Variants in PIK3C2G observed in about 807,000 individuals in gnomAD.
PIK3C2G encodes the protein phosphatidylinositol 3-kinase C2 domain-containing subunit gamma.
A neutral mutation model predicts 181.1 loss-of-function variants in PIK3C2G; 168 were observed. The ratio of observed to expected loss-of-function variants is 0.93; its 90% confidence interval spans 0.82 to 1.05. PIK3C2G has a LOEUF of 1.05. Among genes scored for constraint, PIK3C2G ranks in the 50% least tolerant of loss-of-function variants. PIK3C2G has a pLI of 0.00. For synonymous variants in PIK3C2G, 573 were observed against 592.2 expected (o/e 0.97, Z 0.47); for missense variants, 1,869 against 1,732.8 (o/e 1.08, Z -1.40).
intron 18 of PIK3C2G, among the ~76,000 whole-genome samples, chr12:18,471,770 A>T (rs1053068990): frequency 6.6e-6 from 1 of 152,130 alleles, no homozygotes; most frequent in Non-Finnish European, 1.5e-5. Flanking sequence ...TGTGTATTTA[A>T]GTATGTTTTA....
At chr12:18,625,270 C>T (rs1022394069) in intron 31 of PIK3C2G, among the ~76,000 whole-genome samples, 2 of 151,532 alleles carry the variant, frequency 1.3e-5, no homozygotes, top group African/African-American at 4.8e-5. Context: ...TTAATTTCTT[C>T]ATTGACCTAT....
At chr12:18,594,444 G>A (rs780228554) in intron 29 of PIK3C2G, 50 bp from the exon 30 acceptor site, 25 of 1,112,276 alleles carry the variant, frequency 2.2e-5, no homozygotes, top group African/African-American at 3.3e-5. Context: ...ATGAATAGCA[G>A]TAACAAATAT....
intron 16 of PIK3C2G, among the ~76,000 whole-genome samples, chr12:18,400,221 C>T (rs1296800051): frequency 6.6e-6 from 1 of 151,794 alleles, no homozygotes; most frequent in Non-Finnish European, 1.5e-5. Context: ...AGCAAAATGC[C>T]CTGTGTAAAG....
At chr12:18,602,158 T>C (rs1352358561) in intron 30 of PIK3C2G, among the ~76,000 whole-genome samples, 1 of 152,006 alleles carries the variant, frequency 6.6e-6, no homozygotes, top group Non-Finnish European at 1.5e-5. Context: ...CGAGCCTGAC[T>C]CGCCCTCCAC....
At chr12:18,539,950 C>T (rs931279820) in intron 25 of PIK3C2G, among the ~76,000 whole-genome samples, 2 of 151,602 alleles carry the variant, frequency 1.3e-5, no homozygotes, top group South Asian at 2.1e-4. Flanking sequence ...TCTATTAGGC[C>T]GTTTTGCAAG....
At chr12:18,340,521 A>G (rs554740275) in intron 9 of PIK3C2G, among the ~76,000 whole-genome samples, 4 of 152,252 alleles carry the variant, frequency 2.6e-5, no homozygotes, top group Admixed American at 2.0e-4. Flanking sequence ...TGGTGATGTT[A>G]AGTCAGTATA....
the PIK3C2G span, among the ~76,000 whole-genome samples, chr12:18,662,465 G>T: frequency 1.3e-5 from 2 of 151,924 alleles, no homozygotes; most frequent in Non-Finnish European, 2.9e-5. Flanking sequence ...ACTAAAGGTG[G>T]CCTCACACTT....
chr12:18,498,659 A>G (rs1565451508), intron 22 of PIK3C2G, among the ~76,000 whole-genome samples: 1 of 151,934 alleles, frequency 6.6e-6, no homozygotes, highest in Admixed American at 6.6e-5. Context: ...CTGAGGTCCC[A>G]CCAGCAGGCT....
At chr12:18,714,649 A>T in the PIK3C2G span, 1 of 152,174 alleles carries the variant, frequency 6.6e-6, no homozygotes, top group Non-Finnish European at 1.5e-5. Flanking sequence ...TAAGTACATT[A>T]AATTACCCCA....
At chr12:18,495,307 A>G (rs1940914948) in intron 20 of PIK3C2G, among the ~76,000 whole-genome samples, 1 of 152,124 alleles carries the variant, frequency 6.6e-6, no homozygotes. Context: ...AAATAAGAGG[A>G]AAACAGGCAA....
chr12:18,579,445 A>C (rs532386943), intron 29 of PIK3C2G, among the ~76,000 whole-genome samples: 1 of 152,340 alleles, frequency 6.6e-6, no homozygotes, highest in Admixed American at 6.5e-5. Context: ...TGGTTAAGTT[A>C]GATGGGCAAG....
intron 30 of PIK3C2G, among the ~76,000 whole-genome samples, chr12:18,599,193 G>A (rs1486175777): frequency 1.3e-5 from 2 of 152,172 alleles, no homozygotes; most frequent in Non-Finnish European, 2.9e-5. Flanking sequence ...AAAGACACAT[G>A]CACACGTATG....
In PIK3C2G at chr12:18,503,262, T is replaced by C. The variant is rs185748714; in HGVS notation, c.3017-19T>C. The C allele has an allele frequency of 1.9e-4, 296 of 1,576,672 alleles. 1 individual carries two copies. In the African/African-American group the frequency reaches 3.0e-3, roughly 16 times the overall value. ...TGTGATGAAGGAATTGTCTCTGTAA[T>C]CTTTTTTTTCTCTACCAGGATTGGT... is the stretch of plus-strand genomic sequence containing the variant. On this transcript the variant is annotated intron_variant, in intron 22 of 32. Transcript: ENST00000538779.
the PIK3C2G span, among the ~76,000 whole-genome samples, chr12:18,707,900 G>T: frequency 1.3e-5 from 2 of 152,068 alleles, no homozygotes; most frequent in Admixed American, 1.3e-4. Flanking sequence ...TATACTTAAG[G>T]TATACAACAT....
intron 24 of PIK3C2G, among the ~76,000 whole-genome samples, chr12:18,512,637 T>A (rs1031417015): frequency 6.6e-6 from 1 of 151,980 alleles, no homozygotes; most frequent in Non-Finnish European, 1.5e-5. Flanking sequence ...GATTTTTGTA[T>A]GTTTGTTTTG....
chr12:18,678,402 T>C, the PIK3C2G span, among the ~76,000 whole-genome samples: 2 of 152,062 alleles, frequency 1.3e-5, no homozygotes, highest in African/African-American at 4.8e-5. Context: ...AGTATACAAT[T>C]TGATTCGTTT....
At position 18,298,101 on chromosome 12, in the gene PIK3C2G, T is replaced by A. The variant is rs528147497; in HGVS notation, c.1034+4086T>A. Among the ~76,000 whole-genome samples the A allele has an allele frequency of 7.2e-5, 11 of 152,068 alleles. No homozygotes were observed. The East Asian group carries it at 2.1e-3, about 29-fold the overall frequency. ...TTTTTAGTCTTTTGCAAAATCTCCATACTGTTTTCCATAATGGTTGTAGTA... is the reference window on the plus strand; with the variant it reads ...TTTTTAGTCTTTTGCAAAATCTCCAAACTGTTTTCCATAATGGTTGTAGTA... On this transcript the variant is annotated intron_variant, in intron 5 of 32. Coordinates refer to ENST00000538779, the MANE Select transcript of PIK3C2G (RefSeq NM_001288772.2).
chr12:18,460,012 G>A (rs139485235), intron 18 of PIK3C2G, among the ~76,000 whole-genome samples: 3,964 of 152,184 alleles, frequency 0.026, 67 homozygotes, highest in Middle Eastern at 0.041. Flanking sequence ...TAAGATGCCC[G>A]CCTCGGCCTC....
At chr12:18,594,161 C>T (rs1219480978) in intron 29 of PIK3C2G, among the ~76,000 whole-genome samples, 3 of 151,778 alleles carry the variant, frequency 2.0e-5, no homozygotes, top group Admixed American at 6.6e-5. Context: ...CAAGGATACA[C>T]CTTGTTTTCG....
Sources: allele counts gnomAD v4.1 joint callset (sites outside exome capture counted in the v4.1 genomes callset), GRCh38; gene constraint gnomAD v4.1.1; transcripts MANE v1.5; gene names NCBI Gene and HGNC (gene_info 2026-07-23, HGNC 2026-07-21).